Variants in CIRSR observed in about 807,000 individuals in gnomAD.
The protein encoded by CIRSR is CBF1 (RBPJ) interacting corepressor 1.
At chr2:174,357,592 G>T in the CIRSR span, among the ~76,000 whole-genome samples, 1 of 152,070 alleles carries the variant, frequency 6.6e-6, no homozygotes, top group Non-Finnish European at 1.5e-5. Flanking sequence ...AGTTAAATTG[G>T]CTATATCTAG....
the CIRSR span, among the ~76,000 whole-genome samples, chr2:174,376,162 T>A: frequency 6.6e-6 from 1 of 152,176 alleles, no homozygotes; most frequent in Middle Eastern, 3.2e-3. Flanking sequence ...TGCCCAGCCC[T>A]GAAAGAACAT....
the CIRSR span, among the ~76,000 whole-genome samples, chr2:174,392,543 G>A: frequency 1.3e-5 from 2 of 152,120 alleles, no homozygotes; most frequent in Non-Finnish European, 2.9e-5. Flanking sequence ...AACAATATAG[G>A]TGAAAGATGA....
the CIRSR span, among the ~76,000 whole-genome samples, chr2:174,353,720 C>A: frequency 6.6e-6 from 1 of 152,190 alleles, no homozygotes; most frequent in African/African-American, 2.4e-5. Context: ...CCAGCCTCAG[C>A]CTCCTAAAGT....
At chr2:174,380,590 G>GAT in the CIRSR span, 3 of 1,418,978 alleles carry the variant, frequency 2.1e-6, no homozygotes, top group Non-Finnish European at 2.9e-6. Context: ...CATAAGATGG[G>GAT]ATATCAGTAA....
At chr2:174,357,756 T>C in the CIRSR span, among the ~76,000 whole-genome samples, 4 of 152,210 alleles carry the variant, frequency 2.6e-5, no homozygotes, top group African/African-American at 9.7e-5. Context: ...CTTTCTGCTT[T>C]TAAGAAAGCT....
the CIRSR span, among the ~76,000 whole-genome samples, chr2:174,363,547 G>A: frequency 6.6e-6 from 1 of 152,172 alleles, no homozygotes; most frequent in Non-Finnish European, 1.5e-5. Context: ...TGCTGTATTA[G>A]TCTGTTTTCA....
the CIRSR span, chr2:174,379,086 C>T: frequency 7.7e-7 from 1 of 1,294,780 alleles, no homozygotes; most frequent in Non-Finnish European, 1.1e-6. Flanking sequence ...AAGTAAGAAT[C>T]TAACCAATGT....
the CIRSR span, among the ~76,000 whole-genome samples, chr2:174,355,680 T>C: frequency 6.6e-6 from 1 of 152,150 alleles, no homozygotes; most frequent in East Asian, 1.9e-4. Context: ...AAATTATGTG[T>C]GTAAAGCGCT....
chr2:174,365,513 AT>A, the CIRSR span, among the ~76,000 whole-genome samples: 522 of 152,330 alleles, frequency 3.4e-3, 2 homozygotes, highest in African/African-American at 0.012. Flanking sequence ...TGATAAAGCT[AT>A]ACCCCAAACT....
the CIRSR span, among the ~76,000 whole-genome samples, chr2:174,394,510 G>GT: frequency 3.3e-5 from 5 of 152,188 alleles, no homozygotes; most frequent in South Asian, 1.0e-3. Context: ...AACTAGCTGT[G>GT]TAACTCTTGG....
At chr2:174,373,299 T>TA in the CIRSR span, among the ~76,000 whole-genome samples, 76,614 of 152,068 alleles carry the variant, frequency 0.5, 21,190 homozygotes, top group East Asian at 0.8. Flanking sequence ...TCTTATTCTA[T>TA]AAGACTGAGA....
At chr2:174,380,317 T>C in the CIRSR span, 7 of 1,155,586 alleles carry the variant, frequency 6.1e-6, no homozygotes, top group Non-Finnish European at 8.6e-6. Context: ...CAGCAGTTAA[T>C]CAGAAAAATA....
chr2:174,378,901 ACAAATCATGTCTAGT>A, the CIRSR span: 1 of 1,516,528 alleles, frequency 6.6e-7, no homozygotes, highest in Non-Finnish European at 9.2e-7. Flanking sequence ...CTCTCCCGAA[ACAAATCATGTCTAGT>A]GCCTACCTGA....
the CIRSR span, among the ~76,000 whole-genome samples, chr2:174,353,188 G>T: frequency 3.0e-3 from 460 of 152,190 alleles, 1 homozygote; most frequent in African/African-American, 0.011. Context: ...GAGTATGGGG[G>T]AAGTTATTAA....
the CIRSR span, among the ~76,000 whole-genome samples, chr2:174,385,201 T>TGA: frequency 7.3e-6 from 1 of 136,896 alleles, no homozygotes; most frequent in South Asian, 2.3e-4. Context: ...GGCAACAGAG[T>TGA]GAGACCTTCC....
At chr2:174,348,582 C>T in the CIRSR span, 1 of 1,614,146 alleles carries the variant, frequency 6.2e-7, no homozygotes, top group East Asian at 2.2e-5. Flanking sequence ...TGTGCCATGG[C>T]TTCTGCTGTC....
At chr2:174,390,184 GA>G in the CIRSR span, among the ~76,000 whole-genome samples, 1 of 152,250 alleles carries the variant, frequency 6.6e-6, no homozygotes, top group Non-Finnish European at 1.5e-5. Flanking sequence ...ACCAGCCCAT[GA>G]AAGCATCCAG....
the CIRSR span, among the ~76,000 whole-genome samples, chr2:174,349,960 C>A: frequency 1.3e-5 from 2 of 152,086 alleles, no homozygotes; most frequent in Non-Finnish European, 2.9e-5. Flanking sequence ...AGTAAGAGTA[C>A]ACATTAAACT....
the CIRSR span, chr2:174,380,948 T>C: frequency 1.5e-6 from 1 of 683,226 alleles, no homozygotes; most frequent in African/African-American, 1.8e-5. Context: ...TTTGACTTTT[T>C]TTCTTCTTTC....
Sources: allele counts gnomAD v4.1 joint callset (sites outside exome capture counted in the v4.1 genomes callset), GRCh38; gene constraint gnomAD v4.1.1; transcripts MANE v1.5; gene names NCBI Gene and HGNC (gene_info 2026-07-23, HGNC 2026-07-21).